EFR3B: variants seen among roughly 807,000 people sequenced by gnomAD.
EFR3B encodes the protein EFR3 homolog B.
A neutral mutation model predicts 104.7 loss-of-function variants in EFR3B; 64 were observed. The observed-to-expected ratio is 0.61, with a 90% CI of 0.50 to 0.75. EFR3B has a LOEUF of 0.75. EFR3B is among the 30% of genes least tolerant of loss of function. EFR3B has a pLI of 0.00. For synonymous variants in EFR3B, 385 were observed against 417.9 expected (o/e 0.92, Z 0.96); for missense variants, 750 against 1,078.5 (o/e 0.70, Z 4.27).
chr2:25,068,930 C>CTTT (rs571830012), intron 1 of EFR3B, among the ~76,000 whole-genome samples: 6 of 80,990 alleles, frequency 7.4e-5, no homozygotes, highest in Admixed American at 2.7e-4. Context: ...CGCCCGGCAT[C>CTTT]TTTTTTTTTT....
Position 25,042,413 on chromosome 2 carries a change from C to T in EFR3B, c.7+94C>T, listed in dbSNP as rs933467646. The T allele has an allele frequency of 8.2e-7, 1 of 1,220,708 alleles. No individual in the cohort carries two copies. The highest frequency in any genetic ancestry group is 3.2e-4 in the Middle Eastern group (1 of 3,158). The allele number at this position is 1,220,708 out of a possible 1,614,324, so 75.6% of individuals were successfully genotyped here. ...ATTGTCCCCCTGCACGGCCCTGGCGCGGGGCCAGGCCGCTGACCTGGTGCC... is the reference window on the plus strand; with the variant it reads ...ATTGTCCCCCTGCACGGCCCTGGCGTGGGGCCAGGCCGCTGACCTGGTGCC... On this transcript the variant is annotated intron_variant, in intron 1 of 22. Coordinates refer to ENST00000403714, the MANE Select transcript of EFR3B (RefSeq NM_014971.2). This position sits in a 1 kb window ranked among gnomAD's most constrained non-coding sequence, Gnocchi z 5.4.
In EFR3B at chr2:25,128,340, G is replaced by A; in HGVS notation, c.635+8G>A. The A allele has an allele frequency of 6.4e-7, 1 of 1,551,810 alleles. No homozygotes were observed. Among genetic ancestry groups the A allele is most frequent in the Non-Finnish European group, 8.7e-7 (1 of 1,147,018 alleles). ...TGTAGAGGAGGCAGAGAGGTAAGCAGGCCGGGATGGGGCAGGACAGTAGAT... is the reference window on the plus strand; with the variant it reads ...TGTAGAGGAGGCAGAGAGGTAAGCAAGCCGGGATGGGGCAGGACAGTAGAT... On this transcript the variant is annotated splice_region_variant and intron_variant, in intron 6 of 22. Transcript: ENST00000403714.
chr2:25,121,010 T>C (rs1176258121), intron 4 of EFR3B, among the ~76,000 whole-genome samples: 1 of 152,148 alleles, frequency 6.6e-6, no homozygotes, highest in Non-Finnish European at 1.5e-5. Flanking sequence ...CAAGCAATTC[T>C]CTTGCCTCAG....
chr2:25,105,732 T>C (rs1401912508), intron 4 of EFR3B, among the ~76,000 whole-genome samples: 2 of 152,164 alleles, frequency 1.3e-5, no homozygotes, highest in African/African-American at 4.8e-5. Flanking sequence ...AACATCTGAA[T>C]GGAAAATGAA....
At chr2:25,116,434 G>C (rs1669861991) in intron 4 of EFR3B, among the ~76,000 whole-genome samples, 1 of 152,072 alleles carries the variant, frequency 6.6e-6, no homozygotes, top group Non-Finnish European at 1.5e-5. Context: ...GACCAGCCTG[G>C]TCAACATGGC....
intron 19 of EFR3B, chr2:25,147,156 C>T (rs1670840272): frequency 6.6e-6 from 1 of 152,422 alleles, no homozygotes; most frequent in African/African-American, 2.4e-5. Context: ...TCATAAACTT[C>T]TCTCTCCCTG....
intron 19 of EFR3B, among the ~76,000 whole-genome samples, chr2:25,148,651 G>T (rs1054244988): frequency 1.3e-5 from 2 of 151,612 alleles, no homozygotes; most frequent in Non-Finnish European, 2.9e-5. Context: ...GGCCGGGCGC[G>T]GTGGCTCACG....
Position 25,156,932 on chromosome 2 carries a change from G to T in EFR3B, c.*2592G>T, listed in dbSNP as rs994676110. ...TTTCTTGTGCCTACTTAACATTAGG[G>T]TTCCCCGTGGCAGCTTCATCCTGAG... On this transcript the variant is annotated 3_prime_UTR_variant, in exon 23 of 23. Transcript: ENST00000403714. 1 of 152,128 alleles carries T rather than the reference G, an allele frequency of 6.6e-6. No individual in the cohort carries two copies. The highest frequency in any genetic ancestry group is 1.5e-5 in the Non-Finnish European group (1 of 68,040). 9.4% of individuals were successfully genotyped at this position (152,128 alleles called of 1,614,324 possible).
rs906919797 is a variant in EFR3B, at chr2:25,131,478, G to A, written c.960G>A (p.Ala320=). The A allele has an allele frequency of 5.8e-6, 9 of 1,549,892 alleles. No individual in the cohort carries two copies. In the African/African-American group the frequency reaches 6.8e-5, roughly 12 times the overall value. ...AGIVEVLSEA[A]VIAATGSVGP... ...TCGTGGAAGTCTTGTCGGAAGCCGC[G>A]GTCATCGCTGCCACCGGCTCTGTGG... Residue 320 remains alanine (A), a synonymous_variant, in exon 9 of 23, where the codon GCG becomes GCA. Coordinates refer to ENST00000403714, the MANE Select transcript of EFR3B (RefSeq NM_014971.2). The surrounding 1 kb of genome is among the most constrained non-coding windows in gnomAD (Gnocchi z 7.6).
intron 1 of EFR3B, among the ~76,000 whole-genome samples, chr2:25,082,642 C>G (rs1174163661): frequency 6.6e-6 from 1 of 152,222 alleles, no homozygotes; most frequent in South Asian, 2.1e-4. Flanking sequence ...CTCGATCACA[C>G]TGTCCTCCCT....
chr2:25,095,112 C>T (rs1263154456), intron 3 of EFR3B, among the ~76,000 whole-genome samples: 3 of 152,060 alleles, frequency 2.0e-5, no homozygotes, highest in Non-Finnish European at 4.4e-5. Context: ...ATCTTAAATA[C>T]AGTCTACCTT....
chr2:25,127,403 A>T (rs1316363160), intron 5 of EFR3B, among the ~76,000 whole-genome samples: 2 of 152,180 alleles, frequency 1.3e-5, no homozygotes, highest in Admixed American at 1.3e-4. Context: ...GTTATATATT[A>T]TGCACAGAAG....
Position 25,154,327 on chromosome 2 carries a change from T to G in EFR3B, c.2441T>G (p.Leu814Arg). 6.4e-7 allele frequency: 1 copy of G among 1,552,198 alleles called. No individual in the cohort carries two copies. Among genetic ancestry groups the G allele is most frequent in the Non-Finnish European group, 8.7e-7 (1 of 1,147,094 alleles). ...GTCTATGAAATGAAGTTTCCCGATC[T>G]GTGTGTATACTGAATTCCAAGAGCC... ...IPVYEMKFPD[L>R]CVY Residue 814 changes from leucine (L) to arginine (R), a missense_variant, in exon 23 of 23, where the codon CTG (leucine) becomes CGG (arginine). Leu to Arg is a moderately radical substitution (Grantham distance 102). Coordinates refer to ENST00000403714, the MANE Select transcript of EFR3B (RefSeq NM_014971.2). The surrounding 1 kb of genome is among the most constrained non-coding windows in gnomAD (Gnocchi z 4.1).
intron 1 of EFR3B, chr2:25,079,966 G>A: frequency 1.7e-6 from 2 of 1,167,640 alleles, no homozygotes; most frequent in Non-Finnish European, 2.6e-6. Flanking sequence ...GTTTCAGAGA[G>A]CCTTCTGAAC....
chr2:25,105,479 A>AG (rs1322102069), intron 4 of EFR3B, among the ~76,000 whole-genome samples: 1 of 152,236 alleles, frequency 6.6e-6, no homozygotes, highest in African/African-American at 2.4e-5. Context: ...GGCATGGGTC[A>AG]GAGCTGCTTT....
Position 25,130,500 on chromosome 2 carries a change from C to A in EFR3B, c.771-52C>A. The A allele has an allele frequency of 6.9e-7, 1 of 1,455,784 alleles. No homozygotes were observed. Among genetic ancestry groups the A allele is most frequent in the South Asian group, 1.2e-5 (1 of 82,054 alleles). 90.2% of individuals were successfully genotyped at this position (1,455,784 alleles called of 1,614,324 possible). On this transcript the variant is annotated intron_variant, in intron 7 of 22. Coordinates refer to ENST00000403714, the MANE Select transcript of EFR3B (RefSeq NM_014971.2). The surrounding 1 kb of genome is among the most constrained non-coding windows in gnomAD (Gnocchi z 4.6). ...CTGCCTCCAAGCTAATCTCTTCTCC[C>A]TAACACTGCCGGGAGTTTCATAGTT...
In EFR3B at chr2:25,132,994, G is replaced by A. The variant is rs137872758; in HGVS notation, c.1239G>A (p.Ala413=). 123 of 1,551,576 alleles carry A rather than the reference G, an allele frequency of 7.9e-5. No homozygotes were observed. The highest frequency in any genetic ancestry group is 6.9e-4 in the Admixed American group (35 of 50,994). ...SKVPRPSLHQ[A]VDTGRTGENR... is the part of the protein sequence containing the mutation. Reference sequence around the variant, plus strand: ...TCCCGCGGCCATCCCTGCACCAGGCGGTGGACACAGGCAGGACGGGGTGAG... The same window carrying A: ...TCCCGCGGCCATCCCTGCACCAGGCAGTGGACACAGGCAGGACGGGGTGAG... Residue 413 remains alanine (A), a synonymous_variant, in exon 11 of 23, where the codon GCG becomes GCA. Transcript: ENST00000403714.
At chr2:25,107,589 G>A (rs1669600879) in intron 4 of EFR3B, among the ~76,000 whole-genome samples, 1 of 152,118 alleles carries the variant, frequency 6.6e-6, no homozygotes, top group South Asian at 2.1e-4. Flanking sequence ...TTAAGCCTGT[G>A]TAGGATTCCT....
chr2:25,060,645 G>A (rs1280570930), intron 1 of EFR3B, among the ~76,000 whole-genome samples: 3 of 152,080 alleles, frequency 2.0e-5, no homozygotes, highest in Non-Finnish European at 4.4e-5. Flanking sequence ...TGTCGGCCGG[G>A]CGCGGTGGCT....
Sources: allele counts gnomAD v4.1 joint callset (sites outside exome capture counted in the v4.1 genomes callset), GRCh38; gene constraint gnomAD v4.1.1; non-coding constraint Gnocchi (gnomAD v3.1); transcripts MANE v1.5; gene names NCBI Gene and HGNC (gene_info 2026-07-23, HGNC 2026-07-21).